Variants in LRMDA observed in about 807,000 individuals in gnomAD.
The protein encoded by LRMDA is leucine rich melanocyte differentiation associated.
LRMDA carries 18 observed loss-of-function variants against 29.8 expected under a neutral mutation model. The observed-to-expected ratio is 0.60, with a 90% CI of 0.42 to 0.90. LRMDA has a LOEUF of 0.90. Ranked by LOEUF, LRMDA falls within the 40% of genes least tolerant of loss-of-function variation. The pLI, the probability that LRMDA is intolerant of heterozygous loss-of-function variation, is 0.00. For missense variants in LRMDA, 273 were observed against 273.9 expected, an observed-to-expected ratio of 1.00 and a Z score of 0.02; for synonymous variants, 125 against 109.4, an observed-to-expected ratio of 1.14 and a Z score of -0.89.
chr10:75,431,831 AG>A, intron 1 of LRMDA, 77 bp downstream of exon 1: 1 of 1,251,760 alleles, frequency 8.0e-7, no homozygotes. Context: ...GAGGCTCCCC[AG>A]GGCCTAGACA....
intron 5 of LRMDA, among the ~76,000 whole-genome samples, chr10:76,138,914 A>G (rs1850147075): frequency 6.6e-6 from 1 of 152,052 alleles, no homozygotes. Flanking sequence ...CATTTTTTTT[A>G]TATTTGCCTC....
At chr10:75,947,058 C>T (rs1846488467) in intron 2 of LRMDA, among the ~76,000 whole-genome samples, 3 of 152,200 alleles carry the variant, frequency 2.0e-5, no homozygotes, top group Admixed American at 2.0e-4. Flanking sequence ...TTTTCTTCAC[C>T]TCACTGGAAC....
intron 2 of LRMDA, among the ~76,000 whole-genome samples, chr10:75,990,048 A>C (rs573425147): frequency 1.3e-5 from 2 of 152,314 alleles, no homozygotes; most frequent in Admixed American, 1.3e-4. Context: ...GTAAGAAGCT[A>C]TCCATTCTGC....
In LRMDA at chr10:76,523,662, C is replaced by T. The variant is rs141834393; in HGVS notation, c.602-33547C>T. Among the ~76,000 whole-genome samples the T allele has an allele frequency of 7.0e-4, 106 of 152,268 alleles. No individual in the cohort carries two copies. The East Asian group carries it at 0.02, about 28-fold the overall frequency. On this transcript the variant is annotated intron_variant, in intron 6 of 6. Coordinates refer to ENST00000611255, the MANE Select transcript of LRMDA (RefSeq NM_001305581.2). Reference sequence around the variant, plus strand: ...ACTCTTGTTATTTATGGTCCTCGTTCAGGCACAAGTTTCTGTTATTTTAAT... The same window carrying T: ...ACTCTTGTTATTTATGGTCCTCGTTTAGGCACAAGTTTCTGTTATTTTAAT...
chr10:75,709,171 G>A (rs902790885), intron 2 of LRMDA, among the ~76,000 whole-genome samples: 1 of 151,744 alleles, frequency 6.6e-6, no homozygotes, highest in African/African-American at 2.4e-5. Context: ...TCAAAACTAA[G>A]CACCTTAATT....
At chr10:75,511,259 C>T (rs1391148148) in intron 2 of LRMDA, among the ~76,000 whole-genome samples, 1 of 152,128 alleles carries the variant, frequency 6.6e-6, no homozygotes, top group Non-Finnish European at 1.5e-5. Context: ...TGCCTCAGCA[C>T]AGGAGGTCAA....
chr10:75,752,920 T>A (rs535878319), intron 2 of LRMDA, among the ~76,000 whole-genome samples: 4 of 152,236 alleles, frequency 2.6e-5, no homozygotes, highest in Non-Finnish European at 5.9e-5. Flanking sequence ...CAGCTACCAT[T>A]GATCTGTGTC....
At chr10:76,004,832 A>G (rs950543763) in intron 2 of LRMDA, among the ~76,000 whole-genome samples, 5 of 147,614 alleles carry the variant, frequency 3.4e-5, no homozygotes, top group Admixed American at 1.4e-4. Flanking sequence ...GGTTCATGCC[A>G]TTCTCCTGCT....
intron 1 of LRMDA, among the ~76,000 whole-genome samples, chr10:75,437,340 T>C (rs1844273925): frequency 6.6e-6 from 1 of 152,252 alleles, no homozygotes; most frequent in African/African-American, 2.4e-5. Context: ...TCTCTCTCTC[T>C]CATTCTAAGA....
intron 2 of LRMDA, among the ~76,000 whole-genome samples, chr10:75,693,160 G>T (rs1167109435): frequency 6.6e-6 from 1 of 152,152 alleles, no homozygotes; most frequent in South Asian, 2.1e-4. Flanking sequence ...AAACAGCTTC[G>T]CTTGGAGAGA....
At chr10:75,793,584 T>G (rs1363192802) in intron 2 of LRMDA, among the ~76,000 whole-genome samples, 1 of 152,240 alleles carries the variant, frequency 6.6e-6, no homozygotes, top group Non-Finnish European at 1.5e-5. Context: ...TTGTATTTTC[T>G]GGTCCCCTTG....
At chr10:76,430,517 C>T (rs1842179649) in intron 6 of LRMDA, among the ~76,000 whole-genome samples, 1 of 152,116 alleles carries the variant, frequency 6.6e-6, no homozygotes, top group Non-Finnish European at 1.5e-5. Flanking sequence ...CAAAATTAGC[C>T]ACTGCATCCT....
At chr10:75,847,618 A>G (rs1844661872) in intron 2 of LRMDA, among the ~76,000 whole-genome samples, 1 of 152,210 alleles carries the variant, frequency 6.6e-6, no homozygotes, top group African/African-American at 2.4e-5. Context: ...AGTTAAATCC[A>G]GAATATATAA....
chr10:76,540,398 C>G (rs1843340582), intron 6 of LRMDA, among the ~76,000 whole-genome samples: 1 of 152,178 alleles, frequency 6.6e-6, no homozygotes, highest in Non-Finnish European at 1.5e-5. Flanking sequence ...TATTTGAAAA[C>G]AAAGAAGCCT....
At chr10:75,509,636 G>A (rs1288747706) in intron 2 of LRMDA, among the ~76,000 whole-genome samples, 2 of 152,200 alleles carry the variant, frequency 1.3e-5, no homozygotes, top group Admixed American at 6.5e-5. Flanking sequence ...ACCGGGACTA[G>A]CATCCATGTT....
At chr10:76,485,045 C>T (rs1203266519) in intron 6 of LRMDA, among the ~76,000 whole-genome samples, 1 of 151,734 alleles carries the variant, frequency 6.6e-6, no homozygotes, top group Non-Finnish European at 1.5e-5. Context: ...AATAGTTTTT[C>T]TATAGACCAC....
intron 5 of LRMDA, among the ~76,000 whole-genome samples, chr10:76,262,520 A>C (rs573095787): frequency 6.6e-6 from 1 of 152,312 alleles, no homozygotes; most frequent in South Asian, 2.1e-4. Context: ...TCTCAGCTTC[A>C]TCTTCTGTCA....
At chr10:75,802,973 T>A (rs1843783981) in intron 2 of LRMDA, among the ~76,000 whole-genome samples, 1 of 61,152 alleles carries the variant, frequency 1.6e-5, no homozygotes, top group South Asian at 5.7e-4. Context: ...TATATATATA[T>A]TTTTTTTTTT....
intron 2 of LRMDA, among the ~76,000 whole-genome samples, chr10:75,624,381 T>G (rs940009931): frequency 7.2e-5 from 11 of 152,190 alleles, no homozygotes; most frequent in Non-Finnish European, 1.5e-4. Context: ...TTATCCAGGA[T>G]AGGTTTTATA....
Sources: allele counts gnomAD v4.1 joint callset (sites outside exome capture counted in the v4.1 genomes callset), GRCh38; gene constraint gnomAD v4.1.1; transcripts MANE v1.5; gene names NCBI Gene and HGNC (gene_info 2026-07-23, HGNC 2026-07-21).